Variants in LINGO2 observed in about 807,000 individuals in gnomAD.
LINGO2 encodes the protein leucine rich repeat and Ig domain containing 2.
Under a neutral mutation model 30.6 loss-of-function variants are expected in LINGO2, and 14 were observed. The ratio of observed to expected loss-of-function variants is 0.46; its 90% CI spans 0.30 to 0.72. The LOEUF is 0.72. Ranked by LOEUF, LINGO2 falls within the 30% of genes least tolerant of loss-of-function variation. The pLI is 0.07. For synonymous variants in LINGO2, 317 were observed against 288.5 expected (o/e 1.10, Z -1.00); for missense variants, 729 against 751.7 (o/e 0.97, Z 0.35).
the LINGO2 span, among the ~76,000 whole-genome samples, chr9:28,956,863 G>T: frequency 6.7e-6 from 1 of 148,164 alleles, no homozygotes; most frequent in African/African-American, 2.5e-5. Context: ...CACAATGAAA[G>T]AAAATATTTA....
the LINGO2 span, among the ~76,000 whole-genome samples, chr9:29,140,103 C>T: frequency 1.3e-5 from 2 of 152,036 alleles, no homozygotes; most frequent in African/African-American, 4.8e-5. Flanking sequence ...TGTATGAAGA[C>T]AGTTTGTAAA....
chr9:28,880,720 C>T, the LINGO2 span, among the ~76,000 whole-genome samples: 1 of 152,150 alleles, frequency 6.6e-6, no homozygotes, highest in East Asian at 1.9e-4. Context: ...TGTCTCCTGC[C>T]TGCCCCTGGG....
At chr9:28,911,795 C>T in the LINGO2 span, among the ~76,000 whole-genome samples, 2 of 152,056 alleles carry the variant, frequency 1.3e-5, no homozygotes, top group South Asian at 2.1e-4. Context: ...TAATGCCATA[C>T]AGAAAGAGAT....
intron 2 of LINGO2, among the ~76,000 whole-genome samples, chr9:28,411,207 A>T (rs1027931294): frequency 7.9e-5 from 12 of 152,054 alleles, no homozygotes; most frequent in Admixed American, 1.3e-4. Flanking sequence ...TTATTTAAAA[A>T]CCAGGCAACT....
At chr9:28,031,752 C>CT (rs1360719686) in intron 4 of LINGO2, among the ~76,000 whole-genome samples, 7 of 152,334 alleles carry the variant, frequency 4.6e-5, no homozygotes, top group African/African-American at 1.4e-4. Context: ...TGCCAGCTCC[C>CT]TTTCAGTGCT....
At chr9:28,864,772 T>C in the LINGO2 span, among the ~76,000 whole-genome samples, 2 of 151,972 alleles carry the variant, frequency 1.3e-5, no homozygotes, top group Non-Finnish European at 2.9e-5. Flanking sequence ...TCTGAATAAT[T>C]AAAAATATTT....
chr9:28,534,181 A>T (rs1821340755), intron 1 of LINGO2, among the ~76,000 whole-genome samples: 1 of 152,080 alleles, frequency 6.6e-6, no homozygotes. Flanking sequence ...ATTTAGAGTC[A>T]GGGTCTTGCC....
At chr9:28,491,891 C>A in intron 1 of LINGO2, among the ~76,000 whole-genome samples, 1 of 152,120 alleles carries the variant, frequency 6.6e-6, no homozygotes, top group East Asian at 1.9e-4. Flanking sequence ...AGGCATAAAT[C>A]TTGTTTTGAG....
At chr9:28,949,717 T>A in the LINGO2 span, among the ~76,000 whole-genome samples, 1 of 152,014 alleles carries the variant, frequency 6.6e-6, no homozygotes, top group Non-Finnish European at 1.5e-5. Context: ...CTGAAACTAT[T>A]CCAAACAATA....
At chr9:29,184,429 T>C in the LINGO2 span, among the ~76,000 whole-genome samples, 1 of 152,000 alleles carries the variant, frequency 6.6e-6, no homozygotes, top group African/African-American at 2.4e-5. Flanking sequence ...TTAAAGGACA[T>C]TAAATTCATG....
At chr9:28,614,022 G>A (rs1826030969) in intron 1 of LINGO2, among the ~76,000 whole-genome samples, 1 of 151,854 alleles carries the variant, frequency 6.6e-6, no homozygotes, top group Non-Finnish European at 1.5e-5. Flanking sequence ...AGAGGCAAAG[G>A]GCTATAATTT....
intron 3 of LINGO2, among the ~76,000 whole-genome samples, chr9:28,319,714 G>A (rs1305188189): frequency 6.6e-6 from 1 of 152,136 alleles, no homozygotes; most frequent in Non-Finnish European, 1.5e-5. Flanking sequence ...AGAATGAGAG[G>A]AGGCGACTGA....
intron 4 of LINGO2, among the ~76,000 whole-genome samples, chr9:28,269,567 A>G (rs1381771978): frequency 6.6e-6 from 1 of 152,114 alleles, no homozygotes; most frequent in African/African-American, 2.4e-5. Flanking sequence ...ACAGAGTAGC[A>G]TTTCTCAAGC....
intron 3 of LINGO2, among the ~76,000 whole-genome samples, chr9:28,338,024 C>T (rs1168504817): frequency 1.3e-5 from 2 of 152,146 alleles, no homozygotes; most frequent in Admixed American, 1.3e-4. Flanking sequence ...CCACTGACAG[C>T]ATGTACCATG....
chr9:28,291,948 C>A (rs1449253814), intron 4 of LINGO2, among the ~76,000 whole-genome samples: 1 of 152,138 alleles, frequency 6.6e-6, no homozygotes, highest in Non-Finnish European at 1.5e-5. Context: ...AGAAAAAAGA[C>A]ACATTGCATA....
At chr9:28,210,348 AT>A (rs1820546051) in intron 4 of LINGO2, among the ~76,000 whole-genome samples, 1 of 151,474 alleles carries the variant, frequency 6.6e-6, no homozygotes, top group Non-Finnish European at 1.5e-5. Flanking sequence ...AAGTAATAAT[AT>A]TACTTTATTG....
intron 2 of LINGO2, among the ~76,000 whole-genome samples, chr9:28,441,431 A>T (rs1824194552): frequency 6.6e-6 from 1 of 151,966 alleles, no homozygotes. Flanking sequence ...ACTTCCTTTG[A>T]TAGACTTTAG....
At chr9:28,648,686 T>C (rs1256305726) in intron 1 of LINGO2, among the ~76,000 whole-genome samples, 3 of 152,170 alleles carry the variant, frequency 2.0e-5, no homozygotes, top group African/African-American at 7.2e-5. Context: ...TAGAAAGATT[T>C]GACTTCACAA....
chr9:28,201,324 C>A, intron 4 of LINGO2, among the ~76,000 whole-genome samples: 1 of 141,036 alleles, frequency 7.1e-6, no homozygotes, highest in Admixed American at 7.5e-5. Flanking sequence ...TGAGAATATG[C>A]GGTGTTTGGT....
Sources: allele counts gnomAD v4.1 joint callset (sites outside exome capture counted in the v4.1 genomes callset), GRCh38; gene constraint gnomAD v4.1.1; transcripts MANE v1.5; gene names NCBI Gene and HGNC (gene_info 2026-07-23, HGNC 2026-07-21).